Variants in RBBP7 observed in about 807,000 individuals in gnomAD.
RBBP7 encodes histone-binding protein RBBP7.
A neutral mutation model predicts 35.2 loss-of-function variants in RBBP7; 5 were observed. That is an observed-to-expected ratio of 0.14 (90% CI 0.07 to 0.30). RBBP7 has a LOEUF of 0.30. Ranked by LOEUF, RBBP7 falls within the 10% of genes least tolerant of loss-of-function variation. The probability of loss-of-function intolerance (pLI) is 1.00; values close to 1 mark genes in which losing one functional copy is unlikely to be tolerated. For missense variants in RBBP7, 155 were observed against 327.5 expected (o/e 0.47, Z 4.07); for synonymous variants, 140 against 118.7 (o/e 1.18, Z -1.17).
In RBBP7 at chrX:16,844,663, C is replaced by T. The variant is rs1295456002; in HGVS notation, c.*372G>A. 9.9e-6 allele frequency: 1 copy of T among 100,650 alleles called. No individual in the cohort carries two copies. Among genetic ancestry groups the T allele is most frequent in the Non-Finnish European group, 2.0e-5 (1 of 50,157 alleles). The allele number at this position is 100,650 out of a possible 1,213,427, so 8.3% of individuals were successfully genotyped here. A position where few individuals can be genotyped will look rare whatever the true frequency, so the allele number is the denominator to read the frequency against. The stretch of plus-strand genomic sequence containing the variant: ...AAAAAACACAAGTTTTATTTTAAAA[C>T]TTTATTTCTGCAAAGCCAATCAAGA... On this transcript the variant is annotated 3_prime_UTR_variant, in exon 12 of 12. Coordinates refer to ENST00000380087, the MANE Select transcript of RBBP7 (RefSeq NM_002893.4).
At chrX:16,861,036 T>C (rs1930464471) in intron 3 of RBBP7, among the ~76,000 whole-genome samples, 1 of 110,810 alleles carries the variant, frequency 9.0e-6, no homozygotes, top group Admixed American at 9.6e-5. Context: ...TAGCCGGGCA[T>C]GGTGGTGGAC....
intron 2 of RBBP7, among the ~76,000 whole-genome samples, chrX:16,866,230 G>C (rs910455985): frequency 1.8e-5 from 2 of 111,341 alleles, no homozygotes; most frequent in African/African-American, 3.3e-5. Flanking sequence ...ATTTCTTAGA[G>C]ATACTTAAAT....
chrX:16,847,731 T>TC (rs1219707730), intron 10 of RBBP7: 1 of 107,618 alleles, frequency 9.3e-6, no homozygotes, highest in East Asian at 3.0e-4. Context: ...ATGTATTTTT[T>TC]TTTTTTTTTG....
At chrX:16,868,311 A>G (rs1355710745) in intron 2 of RBBP7, among the ~76,000 whole-genome samples, 2 of 112,420 alleles carry the variant, frequency 1.8e-5, no homozygotes, top group Admixed American at 9.4e-5. Context: ...CAAGTGAATG[A>G]GAAAGGCAGT....
chrX:16,870,266 C>A lies in RBBP7; in HGVS notation c.-213G>T. 1 of 394,633 alleles carries A rather than the reference C, an allele frequency of 2.5e-6. No homozygotes were observed. The highest frequency in any genetic ancestry group is 3.4e-6 in the Non-Finnish European group (1 of 291,949). 32.5% of individuals were successfully genotyped at this position (394,633 alleles called of 1,213,427 possible). On this transcript the variant is annotated 5_prime_UTR_variant, in exon 1 of 12. Coordinates refer to ENST00000380087, the MANE Select transcript of RBBP7 (RefSeq NM_002893.4). Reference sequence around the variant, plus strand: ...CGCGGGTACCGAGGTCTGAGGCGCTCTTCTCTCTCTCTCCAAACTTGGAAC... The same window carrying A: ...CGCGGGTACCGAGGTCTGAGGCGCTATTCTCTCTCTCTCCAAACTTGGAAC...
At chrX:16,859,301 C>G (rs1930415304) in intron 3 of RBBP7, among the ~76,000 whole-genome samples, 2 of 112,130 alleles carry the variant, frequency 1.8e-5, no homozygotes, top group Non-Finnish European at 3.8e-5. Context: ...CCCTTTGAGT[C>G]TGAAGTCAGA....
At chrX:16,865,267 AT>A (rs1930587155) in intron 2 of RBBP7, among the ~76,000 whole-genome samples, 1 of 110,813 alleles carries the variant, frequency 9.0e-6, no homozygotes, top group Non-Finnish European at 1.9e-5. Flanking sequence ...TTAAATAAAT[AT>A]TTAAAAAGAG....
chrX:16,846,009 T>G, intron 10 of RBBP7, 71 bp from the exon 11 acceptor site: 1 of 1,149,331 alleles, frequency 8.7e-7, no homozygotes, highest in Non-Finnish European at 1.2e-6. Context: ...TTTTACTAAG[T>G]TTTTAGAGCT....
rs1447679801 is a variant in RBBP7, at chrX:16,858,862, G to A, written c.308-13C>T. On this transcript the variant is annotated splice_polypyrimidine_tract_variant and intron_variant, in intron 3 of 11. Coordinates refer to ENST00000380087, the MANE Select transcript of RBBP7 (RefSeq NM_002893.4). ...AAGCCACCAAATTCTAATGTGAGGA[G>A]AAAGAAACACACACACACACACTCA... 8.3e-7 allele frequency: 1 copy of A among 1,205,828 alleles called. No homozygotes were observed. Among genetic ancestry groups the A allele is most frequent in the Non-Finnish European group, 1.1e-6 (1 of 892,436 alleles).
chrX:16,852,431 A>G (rs1930231870), intron 8 of RBBP7, 120 bp downstream of exon 8: 6 of 775,422 alleles, frequency 7.7e-6, no homozygotes, highest in Non-Finnish European at 1.2e-5. Flanking sequence ...GAGCATCTCC[A>G]TGTAACACCA....
intron 2 of RBBP7, among the ~76,000 whole-genome samples, chrX:16,864,542 A>AAAAAAAAAAAAAAAAAAAG (rs1569063331): frequency 7.4e-5 from 3 of 40,711 alleles, no homozygotes; most frequent in African/African-American, 3.2e-4. Flanking sequence ...AAAAAAAAAA[A>AAAAAAAAAAAAAAAAAAAG]AAAAAGAAAA....
At chrX:16,866,554 A>AAAAAAAAAAAGAAAGAAAG (rs1569063906) in intron 2 of RBBP7, among the ~76,000 whole-genome samples, 1 of 57,674 alleles carries the variant, frequency 1.7e-5, no homozygotes, top group African/African-American at 7.5e-5. Flanking sequence ...AAAAAAAAAA[A>AAAAAAAAAAAGAAAGAAAG]AAAGAAAGAA....
intron 1 of RBBP7, chrX:16,869,422 C>A: frequency 2.7e-6 from 3 of 1,116,520 alleles, no homozygotes; most frequent in South Asian, 2.1e-5. Context: ...ATCAATACCC[C>A]CTGCGTACAC....
At position 16,850,161 on chromosome X, in the gene RBBP7, T is replaced by C. The variant is rs190569418; in HGVS notation, c.1041-860A>G. On this transcript the variant is annotated intron_variant, in intron 9 of 11. Coordinates refer to ENST00000380087, the MANE Select transcript of RBBP7 (RefSeq NM_002893.4). ...AATACTTATCTTCCACCTGTCAGTATAGTTGCTAAAACTCACCATTTTAAT... is the reference window on the plus strand; with the variant it reads ...AATACTTATCTTCCACCTGTCAGTACAGTTGCTAAAACTCACCATTTTAAT... 2.7e-5 allele frequency among the ~76,000 whole-genome samples: 3 copies of C among 112,503 alleles called. No homozygotes were observed. The East Asian group carries it at 8.3e-4, about 31-fold the overall frequency.
intron 2 of RBBP7, among the ~76,000 whole-genome samples, chrX:16,864,317 C>G (rs1057131010): frequency 2.0e-4 from 22 of 110,368 alleles, no homozygotes; most frequent in African/African-American, 2.6e-4. Context: ...GTCAGGAGTT[C>G]GAGACCAGCC....
chrX:16,849,613 A>G (rs1309731095), intron 9 of RBBP7, among the ~76,000 whole-genome samples: 1 of 111,969 alleles, frequency 8.9e-6, no homozygotes, highest in Non-Finnish European at 1.9e-5. Context: ...TATTTGGTGT[A>G]AGGACGGGAT....
At chrX:16,846,019 TA>T in intron 10 of RBBP7, 81 bp from the exon 11 acceptor site, 2 of 1,133,214 alleles carry the variant, frequency 1.8e-6, no homozygotes, top group Non-Finnish European at 2.3e-6. Context: ...TTTTTAGAGC[TA>T]TCAGTATTTC....
intron 5 of RBBP7, among the ~76,000 whole-genome samples, chrX:16,855,735 G>A (rs754980414): frequency 2.7e-4 from 30 of 110,975 alleles, no homozygotes; most frequent in Non-Finnish European, 4.5e-4. Context: ...CTTTCAGAGA[G>A]CCTATAATCC....
chrX:16,851,448 CAAGTA>C (rs1303152590), intron 9 of RBBP7, among the ~76,000 whole-genome samples: 3 of 111,871 alleles, frequency 2.7e-5, no homozygotes, highest in Non-Finnish European at 5.6e-5. Context: ...CTCAGATGAA[CAAGTA>C]AAGGAGTCTA....
Sources: gnomAD v4.1 joint callset for allele counts (sites outside exome capture counted in the v4.1 genomes callset) on GRCh38, gnomAD v4.1.1 for gene constraint, MANE v1.5 for transcripts, NCBI Gene and HGNC (gene_info 2026-07-23, HGNC 2026-07-21) for gene names.